The following STK33 variants were observed in gnomAD, a reference collection of about 807,000 sequenced individuals.
STK33 encodes serine/threonine kinase 33, also known as serine/threonine-protein kinase 33.
In STK33, 52 loss-of-function variants were observed where a neutral mutation model predicts 58.0. The observed-to-expected ratio is 0.90, with a 90% confidence interval of 0.72 to 1.13. The LOEUF is 1.13. Among genes scored for constraint, STK33 ranks in the 50% most tolerant of loss-of-function variants. The pLI is 0.00. For missense variants in STK33, 630 were observed against 604.2 expected (o/e 1.04, Z -0.45); for synonymous variants, 215 against 200.1 (o/e 1.07, Z -0.63).
At chr11:8,560,506 G>A (rs972686590) in intron 1 of STK33, among the ~76,000 whole-genome samples, 2 of 151,866 alleles carry the variant, frequency 1.3e-5, no homozygotes, top group African/African-American at 4.8e-5. Context: ...CCCCACTTGG[G>A]TATTTGTTCA....
chr11:8,401,421 G>A (rs1303640147), intron 15 of STK33, among the ~76,000 whole-genome samples: 2 of 152,112 alleles, frequency 1.3e-5, no homozygotes, highest in Admixed American at 1.3e-4. Flanking sequence ...GCCATATGTA[G>A]AAAGCTGAAA....
intron 14 of STK33, among the ~76,000 whole-genome samples, chr11:8,414,612 C>G (rs1940844577): frequency 6.6e-6 from 1 of 152,074 alleles, no homozygotes; most frequent in South Asian, 2.1e-4. Flanking sequence ...CTGTTGAGGA[C>G]TTGTTGAGTT....
chr11:8,583,227 T>C (rs1166723019), intron 1 of STK33, among the ~76,000 whole-genome samples: 2 of 152,142 alleles, frequency 1.3e-5, no homozygotes, highest in Non-Finnish European at 1.5e-5. Flanking sequence ...CTCCTAGAGG[T>C]TGTCTTTTCT....
intron 14 of STK33, among the ~76,000 whole-genome samples, chr11:8,419,093 C>A (rs1385702195): frequency 6.6e-6 from 1 of 152,054 alleles, no homozygotes; most frequent in East Asian, 1.9e-4. Flanking sequence ...TAATTACATA[C>A]CACTTGTCAT....
At chr11:8,569,612 T>C (rs971118717) in intron 1 of STK33, among the ~76,000 whole-genome samples, 1 of 152,102 alleles carries the variant, frequency 6.6e-6, no homozygotes, top group Admixed American at 6.6e-5. Context: ...ACTGATAAAT[T>C]AGACTTCATC....
At chr11:8,341,287 A>G in the STK33 span, among the ~76,000 whole-genome samples, 1 of 152,194 alleles carries the variant, frequency 6.6e-6, no homozygotes, top group Non-Finnish European at 1.5e-5. Flanking sequence ...CTGCTTTATC[A>G]GAGGACAGCG....
chr11:8,443,639 GCCT>G (rs1376739336), intron 11 of STK33, among the ~76,000 whole-genome samples: 2 of 149,566 alleles, frequency 1.3e-5, no homozygotes, highest in African/African-American at 4.9e-5. Flanking sequence ...AAAATATACA[GCCT>G]CCAATGCATT....
chr11:8,516,918 G>T (rs926952330), intron 1 of STK33, among the ~76,000 whole-genome samples: 1 of 152,108 alleles, frequency 6.6e-6, no homozygotes, highest in Non-Finnish European at 1.5e-5. Flanking sequence ...GGGCATAGCT[G>T]AAAAAAAGGC....
the STK33 span, among the ~76,000 whole-genome samples, chr11:8,359,216 G>A: frequency 3.4e-4 from 52 of 152,186 alleles, no homozygotes; most frequent in Admixed American, 3.1e-3. Context: ...GACATTGTTG[G>A]GATGCTTGGT....
intron 1 of STK33, among the ~76,000 whole-genome samples, chr11:8,507,570 G>C (rs1337757781): frequency 6.6e-6 from 1 of 152,076 alleles, no homozygotes; most frequent in African/African-American, 2.4e-5. Context: ...AGGAAATATA[G>C]AGCATGTCTA....
intron 1 of STK33, among the ~76,000 whole-genome samples, chr11:8,570,598 T>C (rs1957740637): frequency 6.6e-6 from 1 of 152,072 alleles, no homozygotes; most frequent in African/African-American, 2.4e-5. Context: ...AATGAGTAAG[T>C]TATGGGTGCA....
Position 8,503,909 on chromosome 11 carries a change from T to C in STK33, c.-465-23295A>G, listed in dbSNP as rs137997382. On this transcript the variant is annotated intron_variant, in intron 1 of 15. Transcript: ENST00000687296. ...ACTTCTCCTGTACTTGAACTTGACT[T>C]CTGTGTTTTAAATAGGTAGGACTCT... Among the ~76,000 whole-genome samples, 62 of 152,328 alleles carry C rather than the reference T, an allele frequency of 4.1e-4. 1 individual carries two copies. In the East Asian group the frequency reaches 0.012, roughly 29 times the overall value.
chr11:8,393,657 G>C (rs768525444), intron 15 of STK33, among the ~76,000 whole-genome samples: 11 of 152,226 alleles, frequency 7.2e-5, no homozygotes, highest in Non-Finnish European at 1.5e-4. Context: ...CTGGTTACCT[G>C]AAAGTCACAG....
At chr11:8,501,933 C>A (rs1318506614) in intron 1 of STK33, among the ~76,000 whole-genome samples, 1 of 152,014 alleles carries the variant, frequency 6.6e-6, no homozygotes, top group South Asian at 2.1e-4. Context: ...AAGCTAGATA[C>A]AAAGCCCATA....
intron 1 of STK33, among the ~76,000 whole-genome samples, chr11:8,494,609 C>A (rs12223092): frequency 2.0e-5 from 3 of 151,884 alleles, no homozygotes; most frequent in Non-Finnish European, 2.9e-5. Flanking sequence ...AAAGTTCATA[C>A]GGAACCAAAA....
chr11:8,393,105 T>G (rs12226334), intron 15 of STK33, among the ~76,000 whole-genome samples: 1 of 152,142 alleles, frequency 6.6e-6, no homozygotes, highest in East Asian at 1.9e-4. Context: ...TTCTTTCTAA[T>G]CTGTGTATGA....
intron 1 of STK33, among the ~76,000 whole-genome samples, chr11:8,491,608 TC>T (rs1950617305): frequency 6.6e-6 from 1 of 152,016 alleles, no homozygotes; most frequent in East Asian, 1.9e-4. Context: ...ATAAAGATAT[TC>T]CTTGAGAAGA....
chr11:8,431,279 A>G (rs1266621206), intron 14 of STK33, among the ~76,000 whole-genome samples: 1 of 152,244 alleles, frequency 6.6e-6, no homozygotes, highest in Non-Finnish European at 1.5e-5. Flanking sequence ...GGTAAGAGTT[A>G]ACATATTTAG....
the STK33 span, among the ~76,000 whole-genome samples, chr11:8,343,123 T>A: frequency 4.1e-4 from 62 of 152,378 alleles, no homozygotes; most frequent in African/African-American, 1.4e-3. Context: ...ACTCTCCTCA[T>A]GGCCCAGAGG....
Sources: gnomAD v4.1 joint callset for allele counts (sites outside exome capture counted in the v4.1 genomes callset) on GRCh38, gnomAD v4.1.1 for gene constraint, MANE v1.5 for transcripts, NCBI Gene and HGNC (gene_info 2026-07-23, HGNC 2026-07-21) for gene names.